Variants in PIK3AP1 observed in about 807,000 individuals in gnomAD.
PIK3AP1 encodes the protein phosphoinositide-3-kinase adaptor protein 1.
PIK3AP1 carries 21 observed loss-of-function variants against 88.1 expected under a neutral mutation model. That is an observed-to-expected ratio of 0.24 (90% CI 0.17 to 0.34). The LOEUF (loss-of-function observed/expected upper bound fraction) is 0.34, where lower values mean the gene tolerates loss of function less well. Among genes scored for constraint, PIK3AP1 ranks in the 10% least tolerant of loss-of-function variants. PIK3AP1 has a pLI of 1.00. For missense variants in PIK3AP1, 828 were observed against 1,035.7 expected (o/e 0.80, Z 2.75); for synonymous variants, 398 against 400.0 (o/e 1.00, Z 0.06).
intron 2 of PIK3AP1, among the ~76,000 whole-genome samples, chr10:96,701,159 A>G (rs531566719): frequency 6.6e-6 from 1 of 152,348 alleles, no homozygotes; most frequent in African/African-American, 2.4e-5. Context: ...AGGTATCCAC[A>G]TTTTAAACAT....
At chr10:96,667,913 G>A (rs1992057) in intron 2 of PIK3AP1, among the ~76,000 whole-genome samples, 71,236 of 151,926 alleles carry the variant, frequency 0.47, 16,797 homozygotes, top group East Asian at 0.63. Context: ...AGGAATCTGT[G>A]TACCACAGAA....
chr10:96,646,948 C>A (rs1052776935), intron 7 of PIK3AP1, among the ~76,000 whole-genome samples: 1 of 152,158 alleles, frequency 6.6e-6, no homozygotes, highest in Non-Finnish European at 1.5e-5. Context: ...CTTTTATTGA[C>A]ACTTCGTTAG....
rs751010023 is a variant in PIK3AP1, at chr10:96,595,552, A to G, written c.*25T>C. 2 of 1,608,140 alleles carry G rather than the reference A, an allele frequency of 1.2e-6. No individual in the cohort carries two copies. Among genetic ancestry groups the G allele is most frequent in the African/African-American group, 1.3e-5 (1 of 74,800 alleles). On this transcript the variant is annotated 3_prime_UTR_variant, in exon 17 of 17. Coordinates refer to ENST00000339364, the MANE Select transcript of PIK3AP1 (RefSeq NM_152309.3). ...AAGACTGTGAGTCTTAAAGTCCTGAAGTAGGCAGGTTTTAGGAGGTGGAAT... is the reference window on the plus strand; with the variant it reads ...AAGACTGTGAGTCTTAAAGTCCTGAGGTAGGCAGGTTTTAGGAGGTGGAAT...
At chr10:96,597,458 G>A (rs1271698195) in intron 16 of PIK3AP1, among the ~76,000 whole-genome samples, 2 of 150,634 alleles carry the variant, frequency 1.3e-5, no homozygotes, top group Non-Finnish European at 2.9e-5. Flanking sequence ...AAGTAAAGTG[G>A]TCATGGATTA....
chr10:96,708,651 C>CAGAGCAT (rs1208692170), intron 2 of PIK3AP1, among the ~76,000 whole-genome samples: 1 of 151,058 alleles, frequency 6.6e-6, no homozygotes, highest in Non-Finnish European at 1.5e-5. Flanking sequence ...GTGTCCATCC[C>CAGAGCAT]AGAGCATGTC....
At chr10:96,675,091 C>T (rs1288706791) in intron 2 of PIK3AP1, among the ~76,000 whole-genome samples, 1 of 152,096 alleles carries the variant, frequency 6.6e-6, no homozygotes, top group African/African-American at 2.4e-5. Flanking sequence ...TGGGTTTTCA[C>T]CATGTTGACC....
At chr10:96,616,825 T>C (rs1849222596) in intron 12 of PIK3AP1, 114 bp from the exon 13 acceptor site, 1 of 990,734 alleles carries the variant, frequency 1.0e-6, no homozygotes, top group African/African-American at 1.6e-5. Flanking sequence ...TGCAGTCACA[T>C]TTACAACATG....
intron 16 of PIK3AP1, among the ~76,000 whole-genome samples, chr10:96,596,863 A>C (rs1316770717): frequency 1.3e-5 from 2 of 152,204 alleles, no homozygotes; most frequent in East Asian, 3.8e-4. Flanking sequence ...GCTATAATTG[A>C]ACTGTGCCAC....
intron 2 of PIK3AP1, among the ~76,000 whole-genome samples, chr10:96,687,691 A>G (rs1245999920): frequency 6.6e-6 from 1 of 152,112 alleles, no homozygotes; most frequent in Non-Finnish European, 1.5e-5. Context: ...CAAGGCCACC[A>G]TCCGTTGAGG....
At chr10:96,601,675 A>G (rs1285465918) in intron 16 of PIK3AP1, among the ~76,000 whole-genome samples, 2 of 152,126 alleles carry the variant, frequency 1.3e-5, no homozygotes, top group Non-Finnish European at 2.9e-5. Flanking sequence ...CACTGTCCCT[A>G]CAGTCCAGCC....
chr10:96,627,030 C>A, intron 9 of PIK3AP1, 125 bp from the exon 10 acceptor site: 1 of 841,930 alleles, frequency 1.2e-6, no homozygotes, highest in East Asian at 2.5e-5. Flanking sequence ...AGGACTTTCC[C>A]CAATATCACT....
intron 14 of PIK3AP1, among the ~76,000 whole-genome samples, chr10:96,604,896 G>T (rs1848975770): frequency 6.6e-6 from 1 of 151,826 alleles, no homozygotes; most frequent in Non-Finnish European, 1.5e-5. Flanking sequence ...GTTTTGCTTT[G>T]TTACCCAGGC....
At chr10:96,655,635 G>T (rs1843604682) in intron 3 of PIK3AP1, among the ~76,000 whole-genome samples, 1 of 152,200 alleles carries the variant, frequency 6.6e-6, no homozygotes, top group African/African-American at 2.4e-5. Context: ...CCTGGTGGGA[G>T]GTGATTGAAT....
chr10:96,642,430 A>G (rs1255275144), intron 8 of PIK3AP1, among the ~76,000 whole-genome samples: 1 of 142,408 alleles, frequency 7.0e-6, no homozygotes, highest in Non-Finnish European at 1.5e-5. Context: ...TGTCTCAAAA[A>G]AAAAAAAAAA....
chr10:96,603,278 C>A (rs1848936018), intron 15 of PIK3AP1, among the ~76,000 whole-genome samples: 2 of 152,240 alleles, frequency 1.3e-5, no homozygotes, highest in South Asian at 4.2e-4. Context: ...GTTTTCATCA[C>A]CCCAAAAAGA....
chr10:96,609,688 A>C (rs973409761), intron 14 of PIK3AP1, 24 bp downstream of exon 14: 3 of 1,606,238 alleles, frequency 1.9e-6, no homozygotes, highest in Non-Finnish European at 2.5e-6. Flanking sequence ...AGAAGACCCC[A>C]CCCCCGCACC....
At chr10:96,618,510 C>T (rs1259268881) in intron 12 of PIK3AP1, 2 of 151,496 alleles carry the variant, frequency 1.3e-5, no homozygotes, top group East Asian at 1.9e-4. Flanking sequence ...TTAGTGGTGG[C>T]TTATACCTAT....
chr10:96,708,495 A>T (rs1236290797), intron 2 of PIK3AP1, among the ~76,000 whole-genome samples: 1 of 149,852 alleles, frequency 6.7e-6, no homozygotes, highest in African/African-American at 2.5e-5. Context: ...GAATCACTTG[A>T]ATCCAGGAGG....
intron 2 of PIK3AP1, chr10:96,700,762 G>T: frequency 1.0e-6 from 1 of 958,224 alleles, no homozygotes; most frequent in Non-Finnish European, 1.2e-6. Flanking sequence ...CCTCAGTCCT[G>T]CAAAGTGCCC....
Sources: gnomAD v4.1 joint callset for allele counts (sites outside exome capture counted in the v4.1 genomes callset) on GRCh38, gnomAD v4.1.1 for gene constraint, MANE v1.5 for transcripts, NCBI Gene and HGNC (gene_info 2026-07-23, HGNC 2026-07-21) for gene names.